ATP1B3: variants seen among roughly 807,000 people sequenced by gnomAD.
ATP1B3 encodes ATPase Na+/K+ transporting subunit beta 3, also known as sodium/potassium-transporting ATPase subunit beta-3.
In ATP1B3, 10 loss-of-function variants were observed where a neutral mutation model predicts 30.2. The observed-to-expected ratio is 0.33, with a 90% CI of 0.20 to 0.56. The LOEUF (loss-of-function observed/expected upper bound fraction) is 0.56, where lower values mean the gene tolerates loss of function less well. ATP1B3 is among the 20% of genes least tolerant of loss of function. The probability of loss-of-function intolerance (pLI) is 0.90; values close to 1 mark genes in which losing one functional copy is unlikely to be tolerated. For synonymous variants in ATP1B3, 113 were observed against 117.0 expected, an observed-to-expected ratio of 0.97 and a Z score of 0.22; for missense variants, 238 against 336.7, an observed-to-expected ratio of 0.71 and a Z score of 2.29.
At chr3:141,916,390 A>G (rs1261256617) in intron 5 of ATP1B3, 1 of 477,476 alleles carries the variant, frequency 2.1e-6, no homozygotes, top group South Asian at 1.5e-5. Context: ...TTGGCGTGCT[A>G]GTCATCAGTG....
intron 3 of ATP1B3, among the ~76,000 whole-genome samples, chr3:141,911,846 A>G (rs956526453): frequency 7.2e-5 from 11 of 151,964 alleles, no homozygotes; most frequent in Non-Finnish European, 1.2e-4. Flanking sequence ...CTCCTTGGTT[A>G]CTCTGGGGTC....
intron 3 of ATP1B3, among the ~76,000 whole-genome samples, chr3:141,907,747 C>A (rs1934288241): frequency 6.6e-6 from 1 of 152,044 alleles, no homozygotes; most frequent in Non-Finnish European, 1.5e-5. Context: ...TGAGCAAGTG[C>A]ATTTTATAAT....
At chr3:141,898,052 C>A (rs950696270) in intron 1 of ATP1B3, among the ~76,000 whole-genome samples, 1 of 152,126 alleles carries the variant, frequency 6.6e-6, no homozygotes, top group Non-Finnish European at 1.5e-5. Flanking sequence ...CTGGATCTTT[C>A]CATGCAGAAC....
intron 2 of ATP1B3, among the ~76,000 whole-genome samples, chr3:141,906,230 A>G (rs1213132132): frequency 6.6e-6 from 1 of 151,228 alleles, no homozygotes; most frequent in East Asian, 1.9e-4. Context: ...CCCAGGCTGG[A>G]GTGCAATGGC....
Sources: gnomAD v4.1 joint callset for allele counts (sites outside exome capture counted in the v4.1 genomes callset) on GRCh38, gnomAD v4.1.1 for gene constraint, MANE v1.5 for transcripts, NCBI Gene and HGNC (gene_info 2026-07-23, HGNC 2026-07-21) for gene names.